CDC73: variants seen among roughly 807,000 people sequenced by gnomAD.
CDC73 encodes parafibromin.
A neutral mutation model predicts 83.7 loss-of-function variants in CDC73; 21 were observed. The ratio of observed to expected loss-of-function variants is 0.25; its 90% confidence interval spans 0.18 to 0.36. The LOEUF (loss-of-function observed/expected upper bound fraction) is 0.36, where lower values mean the gene tolerates loss of function less well. Among genes scored for constraint, CDC73 ranks in the 10% least tolerant of loss-of-function variants. CDC73 has a pLI of 1.00. For missense variants in CDC73, 342 were observed against 653.3 expected (o/e 0.52, Z 5.19); for synonymous variants, 224 against 212.9 (o/e 1.05, Z -0.45).
chr1:193,232,939 C>G, intron 13 of CDC73, 54 bp from the exon 14 acceptor site: 1 of 1,449,222 alleles, frequency 6.9e-7, no homozygotes, highest in Non-Finnish European at 9.7e-7. Context: ...GTTTATCTTC[C>G]CATTTTCATC....
chr1:193,147,334 G>T (rs964503929), intron 7 of CDC73, among the ~76,000 whole-genome samples: 1 of 151,344 alleles, frequency 6.6e-6, no homozygotes, highest in South Asian at 2.1e-4. Flanking sequence ...TATTTGAACA[G>T]ATGCAGAATA....
chr1:193,168,567 CCA>C (rs1353177857), intron 10 of CDC73, among the ~76,000 whole-genome samples: 1 of 151,722 alleles, frequency 6.6e-6, no homozygotes, highest in Non-Finnish European at 1.5e-5. Flanking sequence ...TCTCTGTCAC[CCA>C]GATGGAATGC....
intron 10 of CDC73, among the ~76,000 whole-genome samples, chr1:193,161,606 G>T (rs1183229032): frequency 7.8e-5 from 7 of 89,746 alleles, no homozygotes; most frequent in East Asian, 2.6e-4. Context: ...ATATATAATA[G>T]ATAATATATA....
intron 10 of CDC73, chr1:193,179,603 G>A (rs888245350): frequency 6.6e-6 from 1 of 152,470 alleles, no homozygotes; most frequent in Non-Finnish European, 1.5e-5. Context: ...ATAAAAACTT[G>A]AGCCTGAGAC....
At chr1:193,148,727 C>T (rs1341033725) in intron 8 of CDC73, among the ~76,000 whole-genome samples, 21 of 148,006 alleles carry the variant, frequency 1.4e-4, no homozygotes, top group African/African-American at 5.0e-4. Flanking sequence ...TCACTGCAAC[C>T]TCCGCCTCCT....
intron 10 of CDC73, among the ~76,000 whole-genome samples, chr1:193,188,257 G>T (rs1039820126): frequency 1.3e-5 from 2 of 152,084 alleles, no homozygotes; most frequent in African/African-American, 4.8e-5. Flanking sequence ...ACCAGTGCCT[G>T]GAGTTGTAAA....
At chr1:193,187,971 C>G (rs554103939) in intron 10 of CDC73, among the ~76,000 whole-genome samples, 9 of 152,086 alleles carry the variant, frequency 5.9e-5, no homozygotes, top group Non-Finnish European at 1.2e-4. Context: ...CACTCACTAC[C>G]GTTTTGTTTT....
intron 10 of CDC73, among the ~76,000 whole-genome samples, chr1:193,202,153 G>C (rs1452475849): frequency 6.6e-6 from 1 of 152,040 alleles, no homozygotes; most frequent in African/African-American, 2.4e-5. Flanking sequence ...TTATATAGGG[G>C]CTAATGTTCC....
At chr1:193,154,696 A>C (rs537888613) in intron 10 of CDC73, among the ~76,000 whole-genome samples, 1 of 152,360 alleles carries the variant, frequency 6.6e-6, no homozygotes, top group South Asian at 2.1e-4. Flanking sequence ...ATTAATACAT[A>C]GAGAAATTTG....
intron 7 of CDC73, among the ~76,000 whole-genome samples, chr1:193,145,284 T>A (rs1450580479): frequency 1.3e-5 from 2 of 152,220 alleles, no homozygotes; most frequent in Non-Finnish European, 2.9e-5. Context: ...TTATTGCATT[T>A]TGGTATGATA....
intron 9 of CDC73, among the ~76,000 whole-genome samples, chr1:193,150,847 G>C (rs758032625): frequency 6.6e-6 from 1 of 152,118 alleles, no homozygotes; most frequent in Non-Finnish European, 1.5e-5. Context: ...TATTGGACTG[G>C]TTAATAAATA....
rs146868697 is a variant in CDC73, at chr1:193,156,750, A to G, written c.972+4306A>G. 2.1e-3 allele frequency among the ~76,000 whole-genome samples: 319 copies of G among 152,218 alleles called. 2 individuals are homozygous for G. Among genetic ancestry groups the G allele is most frequent in the African/African-American group, 6.7e-3 (277 of 41,548 alleles). The stretch of plus-strand genomic sequence containing the variant: ...GCAGTAATGTTCTGGAGTTGAGTGT[A>G]GAGTTCAGCTCTGCAGATAATGGAG... On this transcript the variant is annotated intron_variant, in intron 10 of 16. Coordinates refer to ENST00000367435, the MANE Select transcript of CDC73 (RefSeq NM_024529.5).
At chr1:193,122,463 T>A (rs1675471599) in intron 1 of CDC73, 132 bp downstream of exon 1, 1 of 1,209,026 alleles carries the variant, frequency 8.3e-7, no homozygotes. Context: ...AAAGAAAGTT[T>A]CTCTCTAGAG....
chr1:193,144,927 T>C (rs1188721924), intron 7 of CDC73, among the ~76,000 whole-genome samples: 4 of 152,106 alleles, frequency 2.6e-5, no homozygotes, highest in African/African-American at 9.7e-5. Context: ...AATTAGAATT[T>C]TGGGAAGTTT....
At chr1:193,179,816 A>G (rs981465000) in intron 10 of CDC73, 2 of 152,640 alleles carry the variant, frequency 1.3e-5, no homozygotes, top group African/African-American at 4.8e-5. Context: ...TATTGCATTT[A>G]GAACCCTAAA....
chr1:193,204,735 T>C (rs1042966347), intron 11 of CDC73, among the ~76,000 whole-genome samples: 2 of 152,190 alleles, frequency 1.3e-5, no homozygotes, highest in African/African-American at 4.8e-5. Context: ...TAAAGAAAAT[T>C]TTTAAGAAAA....
Position 193,141,849 on chromosome 1 carries a change from G to T in CDC73, c.513-1G>T, listed in dbSNP as rs779923532. ...AAATTTAAAAAAGAAATTGCTTTTA[G>T]GTCTTTGTCTGAAGCTATGTCAGTG... On this transcript the variant is annotated splice_acceptor_variant, in intron 6 of 16. Coordinates refer to ENST00000367435, the MANE Select transcript of CDC73 (RefSeq NM_024529.5). LOFTEE classifies it high-confidence loss of function. The T allele has an allele frequency of 6.2e-7, 1 of 1,607,522 alleles. No homozygotes were observed. Among genetic ancestry groups the T allele is most frequent in the Non-Finnish European group, 8.5e-7 (1 of 1,174,644 alleles).
intron 10 of CDC73, among the ~76,000 whole-genome samples, chr1:193,186,907 T>C (rs1300577684): frequency 1.3e-5 from 2 of 152,156 alleles, no homozygotes; most frequent in African/African-American, 4.8e-5. Context: ...AGATGTTGGT[T>C]TTCATGTTTC....
chr1:193,203,587 C>T (rs1181372059), intron 10 of CDC73, among the ~76,000 whole-genome samples: 1 of 152,122 alleles, frequency 6.6e-6, no homozygotes, highest in Non-Finnish European at 1.5e-5. Flanking sequence ...TTATTATGAT[C>T]TCATGACTTA....
Sources: gnomAD v4.1 joint callset for allele counts (sites outside exome capture counted in the v4.1 genomes callset) on GRCh38, gnomAD v4.1.1 for gene constraint, MANE v1.5 for transcripts, NCBI Gene and HGNC (gene_info 2026-07-23, HGNC 2026-07-21) for gene names.